DOCK8: variants seen among roughly 807,000 people sequenced by gnomAD.
DOCK8 encodes dedicator of cytokinesis protein 8.
DOCK8 carries 141 observed loss-of-function variants against 245.6 expected under a neutral mutation model. The observed-to-expected ratio is 0.57, with a 90% confidence interval of 0.50 to 0.66. DOCK8 has a LOEUF of 0.66. Ranked by LOEUF, DOCK8 falls within the 30% of genes least tolerant of loss-of-function variation. The pLI is 0.00. For missense variants in DOCK8, 2,965 were observed against 2,603.4 expected (o/e 1.14, Z -3.02); for synonymous variants, 1,168 against 970.2 (o/e 1.20, Z -3.79).
chr9:343,015 A>C (rs982760734), intron 14 of DOCK8, among the ~76,000 whole-genome samples: 11 of 152,184 alleles, frequency 7.2e-5, no homozygotes, highest in Non-Finnish European at 4.4e-5. Context: ...TTACATTTGC[A>C]GTCCTAACAG....
chr9:239,449 A>G (rs2047332731), intron 1 of DOCK8, among the ~76,000 whole-genome samples: 1 of 152,208 alleles, frequency 6.6e-6, no homozygotes, highest in African/African-American at 2.4e-5. Flanking sequence ...TAATGTATGC[A>G]ATATGATCAC....
chr9:219,659 G>A (rs1021021066), intron 1 of DOCK8, among the ~76,000 whole-genome samples: 14 of 152,104 alleles, frequency 9.2e-5, no homozygotes, highest in Non-Finnish European at 2.9e-5. Context: ...CACTTTGGGA[G>A]GCCTAAGCTG....
At chr9:297,618 C>T (rs1485868506) in intron 4 of DOCK8, among the ~76,000 whole-genome samples, 1 of 152,110 alleles carries the variant, frequency 6.6e-6, no homozygotes, top group African/African-American at 2.4e-5. Flanking sequence ...TCTCTTGTAG[C>T]CAGCGGCAGT....
At chr9:394,371 A>G (rs71509960) in intron 24 of DOCK8, among the ~76,000 whole-genome samples, 1,807 of 152,326 alleles carry the variant, frequency 0.012, 18 homozygotes, top group Middle Eastern at 0.031. Flanking sequence ...TTCTTCATAC[A>G]TTGTTTATGC....
intron 45 of DOCK8, 94 bp from the exon 46 acceptor site, chr9:451,917 A>T: frequency 3.2e-6 from 1 of 314,730 alleles, no homozygotes; most frequent in East Asian, 5.9e-5. Flanking sequence ...ATATGCATAT[A>T]CATATATATG....
At chr9:286,274 G>A (rs1340275385) in intron 2 of DOCK8, among the ~76,000 whole-genome samples, 187 bp from the exon 3 acceptor site, 1 of 152,162 alleles carries the variant, frequency 6.6e-6, no homozygotes, top group Non-Finnish European at 1.5e-5. Context: ...TTGACTTTCT[G>A]TGCTGCATTT....
upstream of DOCK8, chr9:214,633 C>T (rs879069592): frequency 2.7e-5 from 44 of 1,612,526 alleles, no homozygotes; most frequent in South Asian, 1.9e-4. Flanking sequence ...CAGTGGTCGC[C>T]TGTCGTCCGC....
rs746434765 is a variant in DOCK8 at position 379,800 on chromosome 9, G to T, written c.2470G>T (p.Val824Leu). The T allele has an allele frequency of 1.2e-6, 2 of 1,614,052 alleles. No individual in the cohort carries two copies. Among genetic ancestry groups the T allele is most frequent in the South Asian group, 1.1e-5 (1 of 91,084 alleles). The change falls in exon 21 of 48, where the codon GTG becomes TTG. Residue 824 changes from valine to leucine, a missense_variant. Physicochemically the swap from Val to Leu is conservative, Grantham distance 32. Coordinates refer to ENST00000432829, the MANE Select transcript of DOCK8 (RefSeq NM_203447.4). ...CTTCTCCCAGTTTGCCTTCGAGTCC[G>T]TGGTGGCCATCGCCAACAGTCTGCA... Reference protein sequence around the residue: ...ANFSQFAFESVVAIANSLHNS... With the variant: ...ANFSQFAFESLVAIANSLHNS...
chr9:377,303 A>G, intron 20 of DOCK8, 92 bp downstream of exon 20: 1 of 1,271,548 alleles, frequency 7.9e-7, no homozygotes, highest in East Asian at 2.5e-5. Context: ...ATCCAGAGAC[A>G]ATGTGATCTT....
chr9:221,540 C>T (rs752916516), intron 1 of DOCK8, among the ~76,000 whole-genome samples: 29 of 151,776 alleles, frequency 1.9e-4, no homozygotes, highest in Non-Finnish European at 3.4e-4. Flanking sequence ...GGCTGGCCAC[C>T]GTGGCTCATG....
chr9:350,585 T>C lies in DOCK8; in HGVS notation c.1679+10264T>C, dbSNP rs150163332. ...AGGGGTTTGGTTTTCTGGCAGGTTT[T>C]CTTTCATTTTAATAACGAGCCAACC... On this transcript the variant is annotated intron_variant, in intron 14 of 47. Coordinates refer to ENST00000432829, the MANE Select transcript of DOCK8 (RefSeq NM_203447.4). 4.9e-4 allele frequency among the ~76,000 whole-genome samples: 74 copies of C among 152,300 alleles called. 1 individual carries two copies. Among genetic ancestry groups the C allele is most frequent in the Non-Finnish European group, 3.1e-4 (21 of 68,026 alleles).
chr9:346,082 C>T (rs1312264186), intron 14 of DOCK8, among the ~76,000 whole-genome samples: 2 of 151,892 alleles, frequency 1.3e-5, no homozygotes, highest in Non-Finnish European at 2.9e-5. Context: ...GAGCAGGGTC[C>T]TCTGAACCAG....
chr9:407,694 A>G (rs2055503860), intron 28 of DOCK8, among the ~76,000 whole-genome samples: 1 of 152,206 alleles, frequency 6.6e-6, no homozygotes, highest in Non-Finnish European at 1.5e-5. Context: ...TGGAGTCAGA[A>G]ACCCACAGCC....
chr9:350,032 T>G (rs2052080525), intron 14 of DOCK8, among the ~76,000 whole-genome samples: 1 of 152,200 alleles, frequency 6.6e-6, no homozygotes, highest in Admixed American at 6.5e-5. Flanking sequence ...CTCCCCTCAT[T>G]CTCACCTTTC....
intron 2 of DOCK8, among the ~76,000 whole-genome samples, chr9:278,183 G>C (rs1430850291): frequency 6.6e-6 from 1 of 152,238 alleles, no homozygotes; most frequent in Non-Finnish European, 1.5e-5. Flanking sequence ...GTTCAGCAGA[G>C]GAATCAACTC....
At chr9:442,057 C>T (rs954422347) in intron 42 of DOCK8, 48 bp downstream of exon 42, 10 of 1,610,516 alleles carry the variant, frequency 6.2e-6, no homozygotes, top group Non-Finnish European at 8.5e-6. Flanking sequence ...TTTACAAAAA[C>T]AAGTTAGAGT....
chr9:457,163 G>C (rs578194086), intron 46 of DOCK8: 2 of 152,126 alleles, frequency 1.3e-5, no homozygotes, highest in African/African-American at 4.8e-5. Flanking sequence ...CATATGCCTG[G>C]CTTATAGCTG....
In DOCK8 at chr9:238,285, C is replaced by G. The variant is rs557476953; in HGVS notation, c.53+23256C>G. 3.9e-5 allele frequency among the ~76,000 whole-genome samples: 6 copies of G among 152,130 alleles called. No homozygotes were observed. In the East Asian group the frequency reaches 1.2e-3, roughly 29 times the overall value. On this transcript the variant is annotated intron_variant, in intron 1 of 47. Coordinates refer to ENST00000432829, the MANE Select transcript of DOCK8 (RefSeq NM_203447.4). ...GAGATGTGGTTCAACATCATAGGAC[C>G]AAATGAAATAAAAAGCGTGAAAATG...
chr9:418,101 C>T lies in DOCK8; in HGVS notation c.3734C>T (p.Ser1245Leu), dbSNP rs373318465. ...ACTCGCAGATACCGCACCAGTGGCT[C>T]GGATGAAGAACAAGAAGGAGCCGGT... ...ADTRRYRTSG[S>L]DEEQEGAGAI... The change falls in exon 30 of 48, where the codon TCG becomes TTG. Residue 1245 changes from serine (S) to leucine (L), a missense_variant. Physicochemically the swap from Ser to Leu is moderately radical, Grantham distance 145 (BLOSUM62 -2). Coordinates refer to ENST00000432829, the MANE Select transcript of DOCK8 (RefSeq NM_203447.4). 1.9e-5 allele frequency: 30 copies of T among 1,614,070 alleles called. No homozygotes were observed. The highest frequency in any genetic ancestry group is 1.1e-4 in the African/African-American group (8 of 74,920).
Sources: allele counts gnomAD v4.1 joint callset (sites outside exome capture counted in the v4.1 genomes callset), GRCh38; gene constraint gnomAD v4.1.1; transcripts MANE v1.5; gene names NCBI Gene and HGNC (gene_info 2026-07-23, HGNC 2026-07-21).